Variants in ALG9 observed in about 807,000 individuals in gnomAD.
ALG9 encodes the protein ALG9 alpha-1,2-mannosyltransferase, also known as alpha-1,2-mannosyltransferase ALG9.
ALG9 carries 55 observed loss-of-function variants against 81.8 expected under a neutral mutation model. That is an observed-to-expected ratio of 0.67 (90% CI 0.54 to 0.84). The LOEUF is 0.84. ALG9 is among the 40% of genes least tolerant of loss of function. The probability of loss-of-function intolerance (pLI) is 0.00; values close to 1 mark genes in which losing one functional copy is unlikely to be tolerated. For missense variants in ALG9, 629 were observed against 745.0 expected (o/e 0.84, Z 1.81); for synonymous variants, 278 against 274.3 (o/e 1.01, Z -0.13).
At chr11:111,844,871 A>T in intron 8 of ALG9, 148 bp from the exon 9 acceptor site, 1 of 880,020 alleles carries the variant, frequency 1.1e-6, no homozygotes, top group Non-Finnish European at 1.9e-6. Context: ...TCCCATGCTA[A>T]GCTACACAAA....
In ALG9 at chr11:111,871,433, C is replaced by G. The variant is rs878853116; in HGVS notation, c.50G>C (p.Ser17Thr). The stretch of plus-strand genomic sequence containing the variant: ...GTCCGCAGCCGGGGCCGTATCCCCA[C>G]TGCTGGCCCCGCTGCCCTTCAGGCG... ...RQRLKGSGAS[S>T]GDTAPAADKL... Residue 17 changes from serine to threonine, a missense_variant, in exon 1 of 15, where the codon AGT becomes ACT. Ser to Thr is a moderately conservative substitution (Grantham distance 58). This residue lies in a region of ALG9 where 344 missense variants were observed against 390.5 expected (regional missense o/e 0.88). Coordinates refer to ENST00000616540, the MANE Select transcript of ALG9 (RefSeq NM_024740.2). 32 of 1,536,450 alleles carry G rather than the reference C, an allele frequency of 2.1e-5. No individual in the cohort carries two copies. The highest frequency in any genetic ancestry group is 2.7e-5 in the Non-Finnish European group (31 of 1,146,710).
intron 8 of ALG9, among the ~76,000 whole-genome samples, chr11:111,847,650 T>C (rs1957127461): frequency 6.6e-6 from 1 of 152,210 alleles, no homozygotes; most frequent in Non-Finnish European, 1.5e-5. Flanking sequence ...ATTTCGCCTC[T>C]TGATCTCTGA....
intron 13 of ALG9, among the ~76,000 whole-genome samples, chr11:111,814,247 C>G (rs1214143155): frequency 6.6e-6 from 1 of 152,092 alleles, no homozygotes; most frequent in Non-Finnish European, 1.5e-5. Context: ...GTGAAAAGAT[C>G]AAGACACAAA....
the ALG9 span, chr11:111,771,409 C>T: frequency 6.6e-6 from 1 of 152,300 alleles, no homozygotes. Flanking sequence ...AAAAGAAAAG[C>T]ATCAGTCATG....
intron 5 of ALG9, among the ~76,000 whole-genome samples, chr11:111,860,079 T>C (rs1959524796): frequency 6.6e-6 from 1 of 152,148 alleles, no homozygotes; most frequent in African/African-American, 2.4e-5. Flanking sequence ...ACATATCAAA[T>C]AATGTATCAT....
At chr11:111,861,200 G>A (rs1048737410) in intron 4 of ALG9, among the ~76,000 whole-genome samples, 3 of 152,110 alleles carry the variant, frequency 2.0e-5, no homozygotes, top group African/African-American at 4.8e-5. Flanking sequence ...AAGCAATTAC[G>A]TATCTTCTTC....
At chr11:111,789,610 G>A (rs1374327521) in intron 14 of ALG9, among the ~76,000 whole-genome samples, 2 of 151,624 alleles carry the variant, frequency 1.3e-5, no homozygotes, top group African/African-American at 2.4e-5. Flanking sequence ...GGGAGGCTGA[G>A]GCCACCGAGG....
At chr11:111,867,585 T>C (rs1399241928) in intron 3 of ALG9, among the ~76,000 whole-genome samples, 2 of 152,106 alleles carry the variant, frequency 1.3e-5, no homozygotes, top group South Asian at 2.1e-4. Flanking sequence ...GGGGTCAGCA[T>C]TGGAAGAGGG....
At chr11:111,834,847 G>C (rs1954963974) in intron 13 of ALG9, among the ~76,000 whole-genome samples, 1 of 152,174 alleles carries the variant, frequency 6.6e-6, no homozygotes, top group Admixed American at 6.5e-5. Context: ...CCCTGCCCAA[G>C]GGTATTTCCA....
At chr11:111,774,284 G>A in the ALG9 span, among the ~76,000 whole-genome samples, 2 of 152,170 alleles carry the variant, frequency 1.3e-5, no homozygotes, top group East Asian at 1.9e-4. Flanking sequence ...GCTGAGGCAG[G>A]AGAATTGCTT....
chr11:111,822,345 G>A lies in ALG9; in HGVS notation c.1603-12572C>T, dbSNP rs190651838. On this transcript the variant is annotated intron_variant, in intron 13 of 14. Coordinates refer to ENST00000616540, the MANE Select transcript of ALG9 (RefSeq NM_024740.2). ...GATCGCTTAAGCCTGGGAGGTCAAG[G>A]TTGCAGTGAGCTGTGTTCGCACCAC... is the stretch of plus-strand genomic sequence containing the variant. 6.6e-5 allele frequency among the ~76,000 whole-genome samples: 9 copies of A among 136,274 alleles called. No individual in the cohort carries two copies. The East Asian group carries it at 1.2e-3, about 19-fold the overall frequency. 89.4% of individuals were successfully genotyped at this position (136,274 alleles called of 152,430 possible). A position where few individuals can be genotyped will look rare whatever the true frequency, so the allele number is the denominator to read the frequency against.
intron 13 of ALG9, among the ~76,000 whole-genome samples, chr11:111,834,327 A>G (rs1190699769): frequency 6.6e-6 from 1 of 152,218 alleles, no homozygotes; most frequent in Non-Finnish European, 1.5e-5. Context: ...GGAAAACGCA[A>G]TGATGAGTCT....
intron 13 of ALG9, among the ~76,000 whole-genome samples, chr11:111,812,613 A>C (rs1555092583): frequency 6.6e-6 from 1 of 152,100 alleles, no homozygotes; most frequent in African/African-American, 2.4e-5. Flanking sequence ...GTTACTGTAA[A>C]GCTATAGAAA....
chr11:111,799,610 A>G (rs1283578260), intron 14 of ALG9, among the ~76,000 whole-genome samples: 2 of 152,194 alleles, frequency 1.3e-5, no homozygotes, highest in Non-Finnish European at 2.9e-5. Context: ...TCCACATAGT[A>G]AATGGACTAT....
chr11:111,786,790 T>C (rs2136189030), intron 14 of ALG9, among the ~76,000 whole-genome samples: 1 of 152,334 alleles, frequency 6.6e-6, no homozygotes, highest in African/African-American at 2.4e-5. Context: ...TGCATTAGAA[T>C]GTGCCATAGA....
intron 13 of ALG9, among the ~76,000 whole-genome samples, chr11:111,831,038 G>A (rs542457309): frequency 1.1e-4 from 17 of 152,060 alleles, no homozygotes; most frequent in Middle Eastern, 3.4e-3. Context: ...AGGGGTAGTG[G>A]CTAATTTAAA....
At chr11:111,803,898 C>T (rs772586259) in intron 14 of ALG9, among the ~76,000 whole-genome samples, 3 of 151,788 alleles carry the variant, frequency 2.0e-5, no homozygotes, top group Admixed American at 6.6e-5. Flanking sequence ...TTTGGGAGAG[C>T]GAGTCGGGTG....
chr11:111,768,828 C>CGCGTGTGT, the ALG9 span: 1 of 89,906 alleles, frequency 1.1e-5, no homozygotes, highest in African/African-American at 3.5e-5. Flanking sequence ...CATCCAGCTT[C>CGCGTGTGT]GTGTGTGTGT....
intron 14 of ALG9, among the ~76,000 whole-genome samples, chr11:111,795,975 A>T (rs1265735052): frequency 2.0e-5 from 3 of 152,318 alleles, no homozygotes; most frequent in South Asian, 2.1e-4. Context: ...GAGGATGCCA[A>T]TGTTCGAGAG....
Sources: gnomAD v4.1 joint callset for allele counts (sites outside exome capture counted in the v4.1 genomes callset) on GRCh38, gnomAD v4.1.1 for gene constraint, gnomAD v4.1.1 regional missense constraint, MANE v1.5 for transcripts, NCBI Gene and HGNC (gene_info 2026-07-23, HGNC 2026-07-21) for gene names.